The following POU2AF2 variants were observed in gnomAD, a reference collection of about 807,000 sequenced individuals.
POU2AF2 encodes the protein POU domain class 2-associating factor 2.
chr11:111,283,964 G>C, the POU2AF2 span: 1 of 902,098 alleles, frequency 1.1e-6, no homozygotes, highest in Non-Finnish European at 1.7e-6. Flanking sequence ...GTTAGCGTTG[G>C]AGTCAGGCAC....
the POU2AF2 span, among the ~76,000 whole-genome samples, chr11:111,280,057 A>AAAAAATATATATATAT: frequency 5.2e-5 from 4 of 76,474 alleles, no homozygotes; most frequent in East Asian, 3.1e-4. Flanking sequence ...AAAAAAAAAA[A>AAAAAATATATATATAT]ATATATATAT....
At chr11:111,247,458 G>A in the POU2AF2 span, among the ~76,000 whole-genome samples, 1 of 152,118 alleles carries the variant, frequency 6.6e-6, no homozygotes, top group Non-Finnish European at 1.5e-5. Flanking sequence ...ATTTGACCTA[G>A]CATCTTTAAA....
chr11:111,256,123 C>T, the POU2AF2 span: 3 of 398,986 alleles, frequency 7.5e-6, no homozygotes, highest in Non-Finnish European at 1.3e-5. Flanking sequence ...TTCTGAGGTG[C>T]TTGCAGGTTC....
the POU2AF2 span, among the ~76,000 whole-genome samples, chr11:111,281,695 A>G: frequency 6.6e-6 from 1 of 152,234 alleles, no homozygotes; most frequent in African/African-American, 2.4e-5. Flanking sequence ...CCCTTGATAC[A>G]GTTTTAAATT....
the POU2AF2 span, among the ~76,000 whole-genome samples, chr11:111,280,270 C>G: frequency 6.6e-6 from 1 of 151,920 alleles, no homozygotes. Flanking sequence ...GAGCTTCTTC[C>G]TCCACATGGA....
chr11:111,269,106 C>G, the POU2AF2 span, among the ~76,000 whole-genome samples: 1 of 152,052 alleles, frequency 6.6e-6, no homozygotes, highest in South Asian at 2.1e-4. Context: ...GGGAACATCT[C>G]CCTATACCTT....
chr11:111,253,044 T>A, the POU2AF2 span, among the ~76,000 whole-genome samples: 10 of 152,252 alleles, frequency 6.6e-5, no homozygotes, highest in African/African-American at 1.4e-4. Context: ...TGATTTTTTT[T>A]AATTTCTTTC....
chr11:111,263,720 T>C, the POU2AF2 span, among the ~76,000 whole-genome samples: 1 of 152,132 alleles, frequency 6.6e-6, no homozygotes, highest in East Asian at 1.9e-4. Flanking sequence ...CGTGAGCCAC[T>C]GTGCCCAGCC....
At chr11:111,273,220 A>G in the POU2AF2 span, among the ~76,000 whole-genome samples, 1 of 152,130 alleles carries the variant, frequency 6.6e-6, no homozygotes, top group Non-Finnish European at 1.5e-5. Context: ...GTAAATCTCT[A>G]TATCCATTTT....
chr11:111,260,360 T>C, the POU2AF2 span, among the ~76,000 whole-genome samples: 2 of 152,122 alleles, frequency 1.3e-5, no homozygotes, highest in Admixed American at 1.3e-4. Flanking sequence ...GCCCCAAAGA[T>C]CCCATGCCAA....
the POU2AF2 span, among the ~76,000 whole-genome samples, chr11:111,262,567 A>G: frequency 6.6e-6 from 1 of 152,332 alleles, no homozygotes; most frequent in Admixed American, 6.5e-5. Flanking sequence ...TGCATATTCT[A>G]TCATCTCAAA....
chr11:111,274,633 C>A, the POU2AF2 span, among the ~76,000 whole-genome samples: 2 of 150,634 alleles, frequency 1.3e-5, no homozygotes, highest in Non-Finnish European at 3.0e-5. Flanking sequence ...AAGCACCCCA[C>A]CCGATCCTCT....
chr11:111,260,758 T>G, the POU2AF2 span, among the ~76,000 whole-genome samples: 15 of 152,200 alleles, frequency 9.9e-5, no homozygotes, highest in African/African-American at 3.4e-4. Context: ...ATGTTGCTAG[T>G]TTTAACCCAC....
At chr11:111,279,054 T>A in the POU2AF2 span, among the ~76,000 whole-genome samples, 1 of 152,332 alleles carries the variant, frequency 6.6e-6, no homozygotes, top group East Asian at 1.9e-4. Context: ...ATGAACTGGA[T>A]GTTGAGGATT....
the POU2AF2 span, among the ~76,000 whole-genome samples, chr11:111,262,395 T>C: frequency 1.4e-3 from 210 of 152,356 alleles, 3 homozygotes; most frequent in East Asian, 0.018. Context: ...GCAAGACTGC[T>C]AGTTGGACGT....
the POU2AF2 span, among the ~76,000 whole-genome samples, chr11:111,260,230 G>A: frequency 6.6e-6 from 1 of 152,160 alleles, no homozygotes; most frequent in Non-Finnish European, 1.5e-5. Context: ...AGTTAAGTTA[G>A]AGAAGTCATT....
At chr11:111,265,722 C>T in the POU2AF2 span, among the ~76,000 whole-genome samples, 3 of 152,094 alleles carry the variant, frequency 2.0e-5, no homozygotes, top group African/African-American at 4.8e-5. Flanking sequence ...TAGATAGGCA[C>T]TGGATTATAG....
At chr11:111,284,467 C>A in the POU2AF2 span, 9 of 1,418,920 alleles carry the variant, frequency 6.3e-6, no homozygotes, top group Non-Finnish European at 8.4e-6. Flanking sequence ...CGGGTTGAAG[C>A]CAGGTCTGGC....
the POU2AF2 span, among the ~76,000 whole-genome samples, chr11:111,275,644 G>A: frequency 5.9e-5 from 9 of 152,114 alleles, no homozygotes; most frequent in Non-Finnish European, 7.3e-5. Context: ...TCACCCATGC[G>A]TAAGAAAACA....
Sources: gnomAD v4.1 joint callset for allele counts (sites outside exome capture counted in the v4.1 genomes callset) on GRCh38, gnomAD v4.1.1 for gene constraint, MANE v1.5 for transcripts, NCBI Gene and HGNC (gene_info 2026-07-23, HGNC 2026-07-21) for gene names.